The following FBXO46 variants were observed in gnomAD, a reference collection of about 807,000 sequenced individuals.
FBXO46 encodes F-box protein 46.
FBXO46 carries 13 observed loss-of-function variants against 30.7 expected under a neutral mutation model. The observed-to-expected ratio is 0.42, with a 90% CI of 0.28 to 0.67. The LOEUF (loss-of-function observed/expected upper bound fraction) is 0.67. Among genes scored for constraint, FBXO46 ranks in the 30% least tolerant of loss-of-function variants. FBXO46 has a pLI of 0.21. For missense variants in FBXO46, 754 were observed against 871.5 expected (o/e 0.87, Z 1.70); for synonymous variants, 467 against 385.8 (o/e 1.21, Z -2.47).
chr19:45,712,581 T>C lies in FBXO46; in HGVS notation c.915A>G (p.Thr305=), dbSNP rs777784972. The C allele has an allele frequency of 5.7e-6, 9 of 1,592,690 alleles. No individual in the cohort carries two copies. The Admixed American group carries it at 1.4e-4, about 25-fold the overall frequency. Residue 305 remains threonine, a synonymous_variant, in exon 2 of 2, where the codon ACA becomes ACG. Coordinates refer to ENST00000317683, the MANE Select transcript of FBXO46 (RefSeq NM_001080469.2). The surrounding 1 kb of genome is among the most constrained non-coding windows in gnomAD (Gnocchi z 8.8). ...GPGARAKDKI[T]CDLYQLISPS... ...GGCTGATGAGCTGGTATAAGTCACATGTGATCTTGTCCTTGGCTCGGGCCC... is the reference window on the plus strand; with the variant it reads ...GGCTGATGAGCTGGTATAAGTCACACGTGATCTTGTCCTTGGCTCGGGCCC...
In FBXO46 at chr19:45,711,452, A is replaced by AC. The variant is rs1568543571; in HGVS notation, c.*231_*232insG. 1 of 682,304 alleles carries AC rather than the reference A, an allele frequency of 1.5e-6. No homozygotes were observed. Among genetic ancestry groups the AC allele is most frequent in the African/African-American group, 1.8e-5 (1 of 56,386 alleles). 42.3% of individuals were successfully genotyped at this position (682,304 alleles called of 1,614,324 possible). Reference sequence around the variant, plus strand: ...AAAGTGAGATGCTGATAAAAAAAAAAAAAACACCCTTCTCAGAGGGTCCAC... The same window carrying AC: ...AAAGTGAGATGCTGATAAAAAAAAAACAAAACACCCTTCTCAGAGGGTCCAC... On this transcript the variant is annotated 3_prime_UTR_variant, in exon 2 of 2. Transcript: ENST00000317683.
chr19:45,712,007 T>C lies in FBXO46; in HGVS notation c.1489A>G (p.Lys497Glu). ...CCCTTGAAGTGGTGGCAGGTGCACTTGAGGGCGGCCAGCGCGCGCGTGGGC... is the reference window on the plus strand; with the variant it reads ...CCCTTGAAGTGGTGGCAGGTGCACTCGAGGGCGGCCAGCGCGCGCGTGGGC... Reference protein sequence around the residue: ...FLPTRALAALKCTCHHFKGII... With the variant: ...FLPTRALAALECTCHHFKGII... The change falls in exon 2 of 2, where the codon AAG becomes GAG. Residue 497 changes from lysine to glutamate, a missense_variant. Physicochemically the swap from Lys to Glu is moderately conservative, Grantham distance 56 (BLOSUM62 1). Transcript: ENST00000317683. The surrounding 1 kb of genome is among the most constrained non-coding windows in gnomAD (Gnocchi z 8.8). The C allele has an allele frequency of 6.2e-7, 1 of 1,612,572 alleles. No homozygotes were observed.
intron 1 of FBXO46, among the ~76,000 whole-genome samples, chr19:45,727,194 A>T (rs776812663): frequency 3.8e-4 from 58 of 151,986 alleles, no homozygotes; most frequent in Non-Finnish European, 3.1e-4. Flanking sequence ...AGTTGCAGTG[A>T]GCCAAGATGA....
At chr19:45,714,780 G>A (rs1433650034) in intron 1 of FBXO46, 1 of 152,272 alleles carries the variant, frequency 6.6e-6, no homozygotes, top group Non-Finnish European at 1.5e-5. Flanking sequence ...TGTAGTCCCA[G>A]CTAGTTGGGA....
At chr19:45,719,061 C>T (rs1374990044) in intron 1 of FBXO46, among the ~76,000 whole-genome samples, 1 of 151,618 alleles carries the variant, frequency 6.6e-6, no homozygotes, top group Non-Finnish European at 1.5e-5. Context: ...CCAGCCTGGG[C>T]AACATGGTGA....
chr19:45,711,020 C>A lies in FBXO46; in HGVS notation c.*664G>T, dbSNP rs1967948296. ...CGGGAGGAGGAGGGTTTTTATACTT[C>A]AGCTTTTTTTTTGTCTGCCCCCCTC... On this transcript the variant is annotated 3_prime_UTR_variant, in exon 2 of 2. Transcript: ENST00000317683. 1 of 228,806 alleles carries A rather than the reference C, an allele frequency of 4.4e-6. No individual in the cohort carries two copies. Among genetic ancestry groups the A allele is most frequent in the African/African-American group, 3.0e-5 (1 of 33,138 alleles). 14.2% of individuals were successfully genotyped at this position (228,806 alleles called of 1,614,324 possible).
rs1968037946 is a variant in FBXO46, at chr19:45,713,584, G to A, written c.-78-11C>T. 6.3e-6 allele frequency: 7 copies of A among 1,117,272 alleles called. No homozygotes were observed. The highest frequency in any genetic ancestry group is 2.8e-5 in the Admixed American group (1 of 35,360). 69.2% of individuals were successfully genotyped at this position (1,117,272 alleles called of 1,614,324 possible). On this transcript the variant is annotated splice_polypyrimidine_tract_variant and intron_variant, in intron 1 of 1. Coordinates refer to ENST00000317683, the MANE Select transcript of FBXO46 (RefSeq NM_001080469.2). This position sits in a 1 kb window ranked among gnomAD's most constrained non-coding sequence, Gnocchi z 4.7. ...GGCTCCACATGCCACCTGGAGACAC[G>A]AAGAGGAGGTTGGGGAGCTAGGGGG...
chr19:45,720,626 T>G (rs1377671896), intron 1 of FBXO46, among the ~76,000 whole-genome samples: 1 of 151,906 alleles, frequency 6.6e-6, no homozygotes, highest in African/African-American at 2.4e-5. Context: ...CCCAGCTAAT[T>G]TTTACATTTT....
chr19:45,712,495 C>A lies in FBXO46; in HGVS notation c.1001G>T (p.Ser334Ile). 3.1e-6 allele frequency: 5 copies of A among 1,606,350 alleles called. No individual in the cohort carries two copies. Among genetic ancestry groups the A allele is most frequent in the Non-Finnish European group, 4.3e-6 (5 of 1,176,082 alleles). ...GGCGGGTGCCGGGCTGTCACCCTCA[C>A]TGGCCTCATCCGCCCTGGCCAGCAG... ...EFLLARADEA[S>I]EGDSPAPARP... The change falls in exon 2 of 2, where the codon AGT becomes ATT. Residue 334 changes from serine (S) to isoleucine (I), a missense_variant. Physicochemically the swap from Ser to Ile is moderately radical, Grantham distance 142 (BLOSUM62 -2). Coordinates refer to ENST00000317683, the MANE Select transcript of FBXO46 (RefSeq NM_001080469.2). The surrounding 1 kb of genome is among the most constrained non-coding windows in gnomAD (Gnocchi z 8.8).
chr19:45,717,526 G>A (rs1968114355), intron 1 of FBXO46: 1 of 152,436 alleles, frequency 6.6e-6, no homozygotes, highest in Non-Finnish European at 1.5e-5. Flanking sequence ...GAGAGGTGAT[G>A]GGAGTGGGTG....
chr19:45,732,531 C>CGAA (rs1968333896), upstream of FBXO46, among the ~76,000 whole-genome samples: 1 of 11,080 alleles, frequency 9.0e-5, no homozygotes, highest in Non-Finnish European at 1.7e-4. Flanking sequence ...CTCGTCTCTA[C>CGAA]CAAAAAAAAA....
intron 1 of FBXO46, among the ~76,000 whole-genome samples, chr19:45,718,928 G>A (rs1002497316): frequency 1.4e-5 from 2 of 147,298 alleles, no homozygotes; most frequent in African/African-American, 5.1e-5. Context: ...AAGTAGAGGA[G>A]TAACATTACC....
upstream of FBXO46, among the ~76,000 whole-genome samples, chr19:45,732,610 T>TTTTCCTTTTTTTCTTTTTTTTTTTTTC (rs1568551429): frequency 8.9e-6 from 1 of 112,334 alleles, no homozygotes; most frequent in Non-Finnish European, 1.7e-5. Context: ...TTTTTTTTTT[T>TTTTCCTTTTTTTCTTTTTTTTTTTTTC]TGAGACAGAG....
Position 45,712,963 on chromosome 19 carries a change from A to C in FBXO46, c.533T>G (p.Leu178Arg). The change falls in exon 2 of 2, where the codon CTG becomes CGG. Residue 178 changes from leucine (L) to arginine (R), a missense_variant. Transcript: ENST00000317683. The surrounding 1 kb of genome is among the most constrained non-coding windows in gnomAD (Gnocchi z 8.8). ...GGCCAGGGCTGCCCGCTGTTCCACC[A>C]GGGCCACCATCTCGGCCACAGAGAG... is the stretch of plus-strand genomic sequence containing the variant. ...DLLSVAEMVA[L>R]VEQRAALALQ... 1 of 1,584,682 alleles carries C rather than the reference A, an allele frequency of 6.3e-7. No homozygotes were observed. Among genetic ancestry groups the C allele is most frequent in the Non-Finnish European group, 8.6e-7 (1 of 1,164,730 alleles).
At position 45,711,486 on chromosome 19, in the gene FBXO46, T is replaced by C; in HGVS notation, c.*198A>G. On this transcript the variant is annotated 3_prime_UTR_variant, in exon 2 of 2. Transcript: ENST00000317683. Reference sequence around the variant, plus strand: ...CTTCTCAGAGGGTCCACGGCCCTGGTTCTGAAGAGTAGAAAATCAACAGGA... The same window carrying C: ...CTTCTCAGAGGGTCCACGGCCCTGGCTCTGAAGAGTAGAAAATCAACAGGA... 1.4e-6 allele frequency: 1 copy of C among 698,906 alleles called. No homozygotes were observed. Among genetic ancestry groups the C allele is most frequent in the Non-Finnish European group, 2.6e-6 (1 of 384,094 alleles). 43.3% of individuals were successfully genotyped at this position (698,906 alleles called of 1,614,324 possible).
intron 1 of FBXO46, chr19:45,714,600 C>G (rs1968061763): frequency 6.6e-6 from 1 of 152,014 alleles, no homozygotes; most frequent in Admixed American, 6.6e-5. Flanking sequence ...GTGAGACCCT[C>G]TAAAAAACAG....
intron 1 of FBXO46, among the ~76,000 whole-genome samples, chr19:45,726,870 AC>A (rs2146162178): frequency 6.6e-6 from 1 of 152,034 alleles, no homozygotes; most frequent in Non-Finnish European, 1.5e-5. Context: ...AGCATAATAC[AC>A]CCCAGGCATT....
rs772959000 is a variant in FBXO46, at chr19:45,711,197, A to C, written c.*487T>G. 2.0e-4 allele frequency: 86 copies of C among 420,030 alleles called. 2 individuals are homozygous for C. The highest frequency in any genetic ancestry group is 1.4e-3 in the South Asian group (82 of 57,426). The allele number at this position is 420,030 out of a possible 1,614,324, so 26.0% of individuals were successfully genotyped here. On this transcript the variant is annotated 3_prime_UTR_variant, in exon 2 of 2. Transcript: ENST00000317683. The stretch of plus-strand genomic sequence containing the variant: ...TGTGACCTGACAGCCCCCAATTCCT[A>C]GAGAGGTGAGAGCTGTCGTGTGGCA...
At chr19:45,722,566 TC>T (rs1179968618) in intron 1 of FBXO46, among the ~76,000 whole-genome samples, 3 of 151,812 alleles carry the variant, frequency 2.0e-5, no homozygotes, top group Admixed American at 1.3e-4. Flanking sequence ...ATCGAGACCA[TC>T]CTGGCTAACA....
Sources: allele counts gnomAD v4.1 joint callset (sites outside exome capture counted in the v4.1 genomes callset), GRCh38; gene constraint gnomAD v4.1.1; non-coding constraint Gnocchi (gnomAD v3.1); transcripts MANE v1.5; gene names NCBI Gene and HGNC (gene_info 2026-07-23, HGNC 2026-07-21).